CFAP47: variants seen among roughly 807,000 people sequenced by gnomAD.
CFAP47 encodes the protein cilia- and flagella-associated protein 47.
CFAP47 carries 29 observed loss-of-function variants against 148.1 expected under a neutral mutation model. That is an observed-to-expected ratio of 0.20 (90% CI 0.15 to 0.27). CFAP47 has a LOEUF of 0.27. Ranked by LOEUF, CFAP47 falls within the 10% of genes least tolerant of loss-of-function variation. The pLI is 1.00. For missense variants in CFAP47, 1,872 were observed against 1,697.5 expected (o/e 1.10, Z -1.81); for synonymous variants, 664 against 577.3 (o/e 1.15, Z -2.15).
At position 36,017,062 on chromosome X, in the gene CFAP47, A is replaced by T. The variant is rs145858070; in HGVS notation, c.3556+2150A>T. On this transcript the variant is annotated intron_variant, in intron 22 of 63. Coordinates refer to ENST00000378653, the MANE Select transcript of CFAP47 (RefSeq NM_001304548.2). ...TCTGAGGTCCTTACATATTCTGGTT[A>T]TTAACCCATTTGAAGTTTGAAGTTT... Among the ~76,000 whole-genome samples the T allele has an allele frequency of 5.3e-3, 593 of 111,151 alleles. 5 individuals are homozygous for T. Among genetic ancestry groups the T allele is most frequent in the African/African-American group, 0.018 (567 of 30,676 alleles).
intron 25 of CFAP47, among the ~76,000 whole-genome samples, chrX:36,042,943 G>T (rs1035718798): frequency 9.0e-6 from 1 of 111,678 alleles, no homozygotes; most frequent in Non-Finnish European, 1.9e-5. Flanking sequence ...TGGTACAGGG[G>T]TAGATAAAAT....
intron 51 of CFAP47, among the ~76,000 whole-genome samples, chrX:36,285,994 C>T (rs1181381662): frequency 9.0e-6 from 1 of 111,349 alleles, no homozygotes; most frequent in Non-Finnish European, 1.9e-5. Flanking sequence ...GCAAACTTAA[C>T]CTTAGTCTAC....
intron 33 of CFAP47, among the ~76,000 whole-genome samples, chrX:36,106,841 T>C (rs922890897): frequency 9.0e-6 from 1 of 111,627 alleles, no homozygotes; most frequent in African/African-American, 3.2e-5. Flanking sequence ...GATGAATAGG[T>C]AGAGTACACA....
intron 32 of CFAP47, among the ~76,000 whole-genome samples, chrX:36,103,418 T>G (rs1312442170): frequency 7.9e-5 from 8 of 101,749 alleles, no homozygotes; most frequent in Admixed American, 4.5e-4. Context: ...CTGACCATCT[T>G]TGGTAAGGGG....
In CFAP47 at chrX:36,150,273, C is replaced by G. The variant is rs1022532493; in HGVS notation, c.5786+1050C>G. 2.7e-5 allele frequency among the ~76,000 whole-genome samples: 3 copies of G among 111,865 alleles called. No homozygotes were observed. The Admixed American group carries it at 2.9e-4, about 11-fold the overall frequency. The stretch of plus-strand genomic sequence containing the variant: ...AGAGAATAGTTTTGGGAAATTAAAT[C>G]TGAGCATAATGTGAGTCTTCCCAGA... On this transcript the variant is annotated intron_variant, in intron 37 of 63. Transcript: ENST00000378653.
chrX:36,130,248 T>TA (rs1201147528), intron 33 of CFAP47, among the ~76,000 whole-genome samples: 2 of 110,552 alleles, frequency 1.8e-5, no homozygotes, highest in African/African-American at 3.3e-5. Context: ...AATAATCTGA[T>TA]AAAAAATGGG....
At chrX:36,047,205 G>A (rs372932126) in intron 26 of CFAP47, 142 bp downstream of exon 26, 4 of 469,320 alleles carry the variant, frequency 8.5e-6, no homozygotes, top group Non-Finnish European at 1.4e-5. Flanking sequence ...AATTCCAAAT[G>A]TAAGTGCGCT....
chrX:36,248,907 A>G, intron 48 of CFAP47, among the ~76,000 whole-genome samples: 1 of 110,687 alleles, frequency 9.0e-6, no homozygotes, highest in East Asian at 2.8e-4. Context: ...GAATATGCGG[A>G]ATTTAAAACA....
At chrX:36,314,367 A>G (rs1330190706) in intron 56 of CFAP47, among the ~76,000 whole-genome samples, 1 of 111,910 alleles carries the variant, frequency 8.9e-6, no homozygotes, top group African/African-American at 3.2e-5. Flanking sequence ...GAGTAGGCCC[A>G]GAAACCAGCA....
At position 36,267,370 on chromosome X, in the gene CFAP47, G is replaced by A. The variant is rs782193368; in HGVS notation, c.7445-13117G>A. Among the ~76,000 whole-genome samples the A allele has an allele frequency of 2.1e-4, 23 of 110,951 alleles. No homozygotes were observed. The South Asian group carries it at 8.8e-3, about 42-fold the overall frequency. On this transcript the variant is annotated intron_variant, in intron 49 of 63. Transcript: ENST00000378653. ...CTGAAACTGAATTTGGATCTTTTTG[G>A]TTTTTTGCCATCAGCAATATTGACT...
At chrX:36,383,951 T>G (rs782811244) in intron 63 of CFAP47, among the ~76,000 whole-genome samples, 2 of 111,845 alleles carry the variant, frequency 1.8e-5, no homozygotes, top group Non-Finnish European at 3.8e-5. Context: ...AAATGAAGAA[T>G]GTTTAAATAA....
chrX:36,071,510 A>G (rs1391043358), intron 27 of CFAP47, among the ~76,000 whole-genome samples: 1 of 112,309 alleles, frequency 8.9e-6, no homozygotes, highest in Non-Finnish European at 1.9e-5. Context: ...AACATTTAAA[A>G]TATTTTCATA....
chrX:35,953,932 T>C (rs1364405404), intron 7 of CFAP47, among the ~76,000 whole-genome samples: 3 of 111,154 alleles, frequency 2.7e-5, no homozygotes, highest in Non-Finnish European at 5.7e-5. Flanking sequence ...AGGTTGGAAG[T>C]TAGGTTATAA....
At chrX:36,161,653 G>A (rs765314939) in intron 39 of CFAP47, among the ~76,000 whole-genome samples, 13 of 111,653 alleles carry the variant, frequency 1.2e-4, no homozygotes, top group Non-Finnish European at 1.1e-4. Context: ...ATTAAACTAG[G>A]AACTCTGTTT....
intron 33 of CFAP47, among the ~76,000 whole-genome samples, chrX:36,124,827 G>A (rs1312646562): frequency 9.0e-6 from 1 of 111,063 alleles, no homozygotes; most frequent in South Asian, 3.8e-4. Context: ...GATCAGTAGA[G>A]CCATTTATTC....
In CFAP47 at chrX:36,285,637, T is replaced by C; in HGVS notation, c.7597T>C (p.Phe2533Leu). ...ILDDADTYGN[F>L]NNLRFWYNLE... ...TTTGTTTTGTTTTTCAGATGGTAAT[T>C]TTAACAATTTAAGATTCTGGTATAA... Residue 2533 changes from phenylalanine to leucine, a missense_variant, in exon 51 of 64, where the codon TTT becomes CTT. Physicochemically the swap from Phe to Leu is conservative, Grantham distance 22 (BLOSUM62 0). Transcript: ENST00000378653. The C allele has an allele frequency of 1.1e-6, 1 of 907,853 alleles. No homozygotes were observed. The highest frequency in any genetic ancestry group is 1.6e-6 in the Non-Finnish European group (1 of 639,374). 74.8% of individuals were successfully genotyped at this position (907,853 alleles called of 1,213,427 possible).
At chrX:36,347,576 T>C (rs1457150241) in intron 57 of CFAP47, among the ~76,000 whole-genome samples, 1 of 112,120 alleles carries the variant, frequency 8.9e-6, no homozygotes, top group African/African-American at 3.2e-5. Context: ...GTGACACATA[T>C]ACACCACGGA....
chrX:36,040,292 C>A (rs969580863), intron 25 of CFAP47, among the ~76,000 whole-genome samples: 16 of 111,812 alleles, frequency 1.4e-4, no homozygotes, highest in African/African-American at 5.2e-4. Flanking sequence ...TTCTAAAATT[C>A]TATGTATAAT....
At chrX:35,950,100 T>G (rs1936141114) in intron 4 of CFAP47, among the ~76,000 whole-genome samples, 1 of 111,416 alleles carries the variant, frequency 9.0e-6, no homozygotes, top group East Asian at 2.8e-4. Context: ...CTGAGTGAGT[T>G]AAAAGAAAAC....
Sources: gnomAD v4.1 joint callset for allele counts (sites outside exome capture counted in the v4.1 genomes callset) on GRCh38, gnomAD v4.1.1 for gene constraint, MANE v1.5 for transcripts, NCBI Gene and HGNC (gene_info 2026-07-23, HGNC 2026-07-21) for gene names.